PNPLA3: variants seen among roughly 807,000 people sequenced by gnomAD.
The protein encoded by PNPLA3 is patatin like domain 3, 1-acylglycerol-3-phosphate O-acyltransferase, also known as 1-acylglycerol-3-phosphate O-acyltransferase PNPLA3.
In PNPLA3, 42 loss-of-function variants were observed where a neutral mutation model predicts 43.1. The observed-to-expected ratio is 0.97, with a 90% CI of 0.76 to 1.26. The LOEUF (loss-of-function observed/expected upper bound fraction) is 1.26, where lower values mean the gene tolerates loss of function less well. Among genes scored for constraint, PNPLA3 ranks in the 50% most tolerant of loss-of-function variants. The pLI is 0.00. For synonymous variants in PNPLA3, 272 were observed against 253.6 expected, an observed-to-expected ratio of 1.07 and a Z score of -0.69; for missense variants, 647 against 621.4, an observed-to-expected ratio of 1.04 and a Z score of -0.44.
chr22:43,931,228 C>T (rs1027920988), intron 3 of PNPLA3, among the ~76,000 whole-genome samples: 7 of 152,196 alleles, frequency 4.6e-5, no homozygotes, highest in African/African-American at 1.7e-4. Flanking sequence ...TGAGTGCGCT[C>T]ATAGGCATCT....
At chr22:43,935,715 C>T (rs2049991197) in intron 5 of PNPLA3, among the ~76,000 whole-genome samples, 1 of 151,602 alleles carries the variant, frequency 6.6e-6, no homozygotes, top group African/African-American at 2.4e-5. Flanking sequence ...GGTGGGGACA[C>T]TAAGAGATGA....
At chr22:43,934,377 G>T (rs1007145806) in intron 4 of PNPLA3, among the ~76,000 whole-genome samples, 1 of 151,948 alleles carries the variant, frequency 6.6e-6, no homozygotes, top group South Asian at 2.1e-4. Context: ...GCCTGCTGGG[G>T]TGCCTGCAAA....
Position 43,924,024 on chromosome 22 carries a change from G to T in PNPLA3, c.113G>T (p.Arg38Leu), listed in dbSNP as rs769562421. 6.3e-7 allele frequency: 1 copy of T among 1,582,008 alleles called. No homozygotes were observed. The highest frequency in any genetic ancestry group is 8.5e-7 in the Non-Finnish European group (1 of 1,173,034). ...CLSEHAPHLLRDARMLFGASA... is the reference protein window; with the variant it reads ...CLSEHAPHLLLDARMLFGASA... ...AGCGAGCACGCCCCGCACCTCCTCC[G>T]CGACGCGCGCATGTTGTTCGGCGCT... The change falls in exon 1 of 9, where the codon CGC becomes CTC. Residue 38 changes from arginine (R) to leucine (L), a missense_variant. By Grantham distance (102) the Arg-to-Leu change is moderately radical (BLOSUM62 -2). Transcript: ENST00000216180.
At chr22:43,934,368 C>A (rs564606368) in intron 4 of PNPLA3, among the ~76,000 whole-genome samples, 1 of 151,462 alleles carries the variant, frequency 6.6e-6, no homozygotes. Context: ...GAGGCTCTGG[C>A]CTGCTGGGGT....
chr22:43,938,512 T>C (rs1236500805), intron 6 of PNPLA3, among the ~76,000 whole-genome samples: 1 of 152,070 alleles, frequency 6.6e-6, no homozygotes, highest in African/African-American at 2.4e-5. Context: ...ACGGGAAGCA[T>C]GCACATCCCA....
At chr22:43,932,689 A>G (rs926076076) in intron 3 of PNPLA3, among the ~76,000 whole-genome samples, 189 bp from the exon 4 acceptor site, 1 of 152,224 alleles carries the variant, frequency 6.6e-6, no homozygotes. Context: ...GCCAGAGTAG[A>G]GCCTGTCCTA....
intron 1 of PNPLA3, among the ~76,000 whole-genome samples, chr22:43,924,873 C>T (rs1420532119): frequency 6.6e-6 from 1 of 152,118 alleles, no homozygotes; most frequent in African/African-American, 2.4e-5. Flanking sequence ...TGGTCTCGAT[C>T]TCCTGACCTC....
chr22:43,924,348 C>T (rs2049907496), intron 1 of PNPLA3: 2 of 489,128 alleles, frequency 4.1e-6, no homozygotes, highest in East Asian at 3.6e-5. Context: ...CGTCCCCACC[C>T]CTACCCCCAT....
At chr22:43,943,100 A>G (rs1371969987) in intron 7 of PNPLA3, among the ~76,000 whole-genome samples, 1 of 152,088 alleles carries the variant, frequency 6.6e-6, no homozygotes, top group African/African-American at 2.4e-5. Flanking sequence ...TTTTACTTTC[A>G]GCAAATATAA....
chr22:43,934,509 A>G (rs1037074812), intron 4 of PNPLA3, 97 bp from the exon 5 acceptor site: 32 of 1,271,548 alleles, frequency 2.5e-5, no homozygotes, highest in Non-Finnish European at 3.7e-5. Flanking sequence ...CAGAGCTTGC[A>G]TGATTCTTTG....
At chr22:43,937,011 C>A in intron 5 of PNPLA3, 40 bp from the exon 6 acceptor site, 1 of 1,561,588 alleles carries the variant, frequency 6.4e-7, no homozygotes, top group Non-Finnish European at 8.8e-7. Context: ...CCACCACTCC[C>A]ACGTTCGCCT....
intron 3 of PNPLA3, among the ~76,000 whole-genome samples, chr22:43,931,439 GA>G (rs1326380113): frequency 6.6e-6 from 1 of 152,174 alleles, no homozygotes; most frequent in East Asian, 1.9e-4. Context: ...GAATGAAGAT[GA>G]TCCACCAGCC....
intron 5 of PNPLA3, 94 bp from the exon 6 acceptor site, chr22:43,936,957 C>A: frequency 9.9e-7 from 1 of 1,007,964 alleles, no homozygotes; most frequent in Non-Finnish European, 1.5e-6. Flanking sequence ...AATAACAGGC[C>A]AGCTGCCTGC....
At chr22:43,938,112 C>T (rs567335436) in intron 6 of PNPLA3, among the ~76,000 whole-genome samples, 3 of 152,132 alleles carry the variant, frequency 2.0e-5, no homozygotes, top group Non-Finnish European at 2.9e-5. Context: ...TGATCTGGGA[C>T]CTTGCAGCCT....
At chr22:43,928,998 G>A in intron 3 of PNPLA3, 109 bp downstream of exon 3, 1 of 1,139,228 alleles carries the variant, frequency 8.8e-7, no homozygotes, top group Middle Eastern at 2.5e-4. Context: ...TCTGTCCCAT[G>A]GTGGAGCCCC....
At chr22:43,924,243 C>T in intron 1 of PNPLA3, 145 bp downstream of exon 1, 1 of 962,192 alleles carries the variant, frequency 1.0e-6, no homozygotes, top group Non-Finnish European at 1.4e-6. Flanking sequence ...GGGCCCCCTC[C>T]GAGGCAGATG....
At position 43,924,102 on chromosome 22, in the gene PNPLA3, C is replaced by A; in HGVS notation, c.187+4C>A. 2 of 1,536,294 alleles carry A rather than the reference C, an allele frequency of 1.3e-6. No individual in the cohort carries two copies. Among genetic ancestry groups the A allele is most frequent in the Non-Finnish European group, 8.7e-7 (1 of 1,151,172 alleles). ...GTCCTCTCCGGTATCCCGCTGGGTG[C>A]GTCTGGGGACGCTGCCCGGGCTCCA... On this transcript the variant is annotated splice_donor_region_variant and intron_variant, in intron 1 of 8. Transcript: ENST00000216180.
At chr22:43,944,986 C>T (rs1309186578) in intron 8 of PNPLA3, among the ~76,000 whole-genome samples, 191 bp downstream of exon 8, 1 of 152,204 alleles carries the variant, frequency 6.6e-6, no homozygotes, top group Non-Finnish European at 1.5e-5. Context: ...AGCTGCCACC[C>T]AGGCCAACCT....
At chr22:43,936,808 A>G (rs979306263) in intron 5 of PNPLA3, among the ~76,000 whole-genome samples, 5 of 152,226 alleles carry the variant, frequency 3.3e-5, no homozygotes, top group Non-Finnish European at 5.9e-5. Flanking sequence ...TCATGAAACC[A>G]GATATGTAGA....
Sources: allele counts gnomAD v4.1 joint callset (sites outside exome capture counted in the v4.1 genomes callset), GRCh38; gene constraint gnomAD v4.1.1; transcripts MANE v1.5; gene names NCBI Gene and HGNC (gene_info 2026-07-23, HGNC 2026-07-21).